UBE2Q1: variants seen among roughly 807,000 people sequenced by gnomAD.
UBE2Q1 encodes the protein ubiquitin-conjugating enzyme E2 Q1.
A neutral mutation model predicts 60.1 loss-of-function variants in UBE2Q1; 6 were observed. The ratio of observed to expected loss-of-function variants is 0.10; its 90% confidence interval spans 0.05 to 0.20. UBE2Q1 has a LOEUF of 0.20. UBE2Q1 is among the 10% of genes least tolerant of loss of function. The probability of loss-of-function intolerance (pLI) is 1.00; values close to 1 mark genes in which losing one functional copy is unlikely to be tolerated. For synonymous variants in UBE2Q1, 226 were observed against 208.3 expected, an observed-to-expected ratio of 1.09 and a Z score of -0.73; for missense variants, 262 against 525.8, an observed-to-expected ratio of 0.50 and a Z score of 4.91.
chr1:154,550,815 G>T, intron 12 of UBE2Q1, 123 bp downstream of exon 12: 1 of 1,575,188 alleles, frequency 6.3e-7, no homozygotes, highest in Non-Finnish European at 8.6e-7. Flanking sequence ...ACTGGGGCAG[G>T]TGCTGTGTTA....
intron 3 of UBE2Q1, 89 bp from the exon 4 acceptor site, chr1:154,554,874 TG>T: frequency 7.2e-7 from 1 of 1,397,052 alleles, no homozygotes; most frequent in Non-Finnish European, 9.8e-7. Context: ...CCCCCAGGTC[TG>T]GAAGTTGTGC....
Position 154,558,234 on chromosome 1 carries a change from T to C in UBE2Q1, c.320A>G (p.Asn107Ser), listed in dbSNP as rs1443321482. The change falls in exon 1 of 13, where the codon AAC (asparagine) becomes AGC (serine). Residue 107 changes from asparagine (N) to serine (S), a missense_variant. By Grantham distance (46) the Asn-to-Ser change is conservative. Around this residue, in one of 5 missense-constraint regions of UBE2Q1, gnomAD observed 111 missense variants for 266.8 expected, o/e 0.42. Transcript: ENST00000292211. ...VPGDPVRIHC[N>S]ITESYPAVPP... ...ACGCGAGGGGGTCCTCACCGTGATGTTGCAGTGGATGCGGACAGGATCCCC... is the reference window on the plus strand; with the variant it reads ...ACGCGAGGGGGTCCTCACCGTGATGCTGCAGTGGATGCGGACAGGATCCCC... 13 of 1,545,970 alleles carry C rather than the reference T, an allele frequency of 8.4e-6. No individual in the cohort carries two copies. Among genetic ancestry groups the C allele is most frequent in the African/African-American group, 1.4e-5 (1 of 70,290 alleles).
Position 154,554,398 on chromosome 1 carries a change from C to A in UBE2Q1, c.588+337G>T, listed in dbSNP as rs554421567. ...AACCATATGCAGTAGGTATTATAAT[C>A]CTACTTTATAGATAAGAAAACTGTA... On this transcript the variant is annotated intron_variant, in intron 4 of 12. Transcript: ENST00000292211. Among the ~76,000 whole-genome samples the A allele has an allele frequency of 2.6e-5, 4 of 152,288 alleles. No individual in the cohort carries two copies. In the East Asian group the frequency reaches 7.7e-4, roughly 29 times the overall value.
chr1:154,553,867 GA>G (rs1221518460), intron 4 of UBE2Q1, among the ~76,000 whole-genome samples: 2 of 152,234 alleles, frequency 1.3e-5, no homozygotes, highest in African/African-American at 4.8e-5. Context: ...GTGTGGCCCA[GA>G]GGGCTGTCCA....
intron 9 of UBE2Q1, 49 bp from the exon 10 acceptor site, chr1:154,551,868 C>T: frequency 6.2e-7 from 1 of 1,614,236 alleles, no homozygotes; most frequent in Non-Finnish European, 8.5e-7. Flanking sequence ...CTCCAAGTCT[C>T]TTCCCCGCCC....
intron 3 of UBE2Q1, 75 bp from the exon 4 acceptor site, chr1:154,554,860 T>C: frequency 1.3e-6 from 2 of 1,522,252 alleles, no homozygotes; most frequent in Non-Finnish European, 9.0e-7. Flanking sequence ...CCTACTCCCC[T>C]GAGCCCCCAG....
rs755410020 is a variant in UBE2Q1, at chr1:154,558,457, C to A, written c.97G>T (p.Gly33Trp). The change falls in exon 1 of 13, where the codon GGG (glycine) becomes TGG (tryptophan). Residue 33 changes from glycine (G) to tryptophan (W), a missense_variant. Transcript: ENST00000292211. ...AAPGAGGGPG[G>W]GPGPGPCLRR... Reference sequence around the variant, plus strand: ...AGGCAGGGCCCCGGCCCCGGGCCCCCCCCTGGGCCGCCCCCGGCCCCCGGC... The same window carrying A: ...AGGCAGGGCCCCGGCCCCGGGCCCCACCCTGGGCCGCCCCCGGCCCCCGGC... 1.4e-4 allele frequency: 189 copies of A among 1,387,388 alleles called. 2 individuals carry two copies. Among genetic ancestry groups the A allele is most frequent in the Middle Eastern group, 1.3e-3 (5 of 3,778 alleles). The allele number at this position is 1,387,388 out of a possible 1,614,324, so 85.9% of individuals were successfully genotyped here. A position where few individuals can be genotyped will look rare whatever the true frequency, so the allele number is the denominator to read the frequency against.
Position 154,552,818 on chromosome 1 carries a change from A to C in UBE2Q1, c.732T>G (p.Gly244=), listed in dbSNP as rs1198057852. 2.5e-6 allele frequency: 4 copies of C among 1,614,122 alleles called. No homozygotes were observed. The South Asian group carries it at 4.4e-5, about 18-fold the overall frequency. ...TGGCCTGCACCGAGCCAGACACTGC[A>C]CCCTGTGAGGGACGGATGACAGGAA... ...KKNQRQDYLN[G]AVSGSVQATD... is the part of the protein sequence containing the mutation. The change falls in exon 6 of 13, where the codon GGT becomes GGG. Residue 244 remains glycine (G), a splice_region_variant and synonymous_variant. Transcript: ENST00000292211.
chr1:154,550,830 G>C, intron 12 of UBE2Q1, 108 bp downstream of exon 12: 1 of 1,595,550 alleles, frequency 6.3e-7, no homozygotes, highest in African/African-American at 1.3e-5. Context: ...GTGTTAATGG[G>C]TGGTTGAGTA....
chr1:154,550,423 G>A lies in UBE2Q1; in HGVS notation c.*15C>T. On this transcript the variant is annotated 3_prime_UTR_variant, in exon 13 of 13. Coordinates refer to ENST00000292211, the MANE Select transcript of UBE2Q1 (RefSeq NM_017582.7). ...CAGTGGTGCCTGGGGAGGGAGGAAG[G>A]GTGATACTCCAGGGTTAGCCGTCTT... The A allele has an allele frequency of 6.2e-7, 1 of 1,614,136 alleles. No homozygotes were observed. The highest frequency in any genetic ancestry group is 2.2e-5 in the East Asian group (1 of 44,882).
At chr1:154,558,125 G>A in intron 1 of UBE2Q1, 102 bp downstream of exon 1, 1 of 940,194 alleles carries the variant, frequency 1.1e-6, no homozygotes, top group Non-Finnish European at 1.5e-6. Flanking sequence ...CCCTGAGAGG[G>A]GCTTCGGCCT....
rs576231322 is a variant in UBE2Q1 at position 154,550,545 on chromosome 1, G to A, written c.1238-76C>T. On this transcript the variant is annotated intron_variant, in intron 12 of 12. Coordinates refer to ENST00000292211, the MANE Select transcript of UBE2Q1 (RefSeq NM_017582.7). ...CTGTCCTGCCCCAATCCCTGAAGAC[G>A]TCTCCAGTGGCAGAGATAAGAGGAT... is the stretch of plus-strand genomic sequence containing the variant. 241 of 1,603,776 alleles carry A rather than the reference G, an allele frequency of 1.5e-4. No homozygotes were observed. The East Asian group carries it at 4.7e-3, about 31-fold the overall frequency.
In UBE2Q1 at chr1:154,548,855, T is replaced by C. The variant is rs539798117; in HGVS notation, c.*1583A>G. 6.5e-6 allele frequency: 1 copy of C among 152,736 alleles called. No homozygotes were observed. The highest frequency in any genetic ancestry group is 6.5e-5 in the Admixed American group (1 of 15,296). The allele number at this position is 152,736 out of a possible 1,614,324, so 9.5% of individuals were successfully genotyped here. ...GGGTGTGGGTAGAGTTAGAGCAGCATTGAGTGGGACTGGTGGACTCTCCAT... is the reference window on the plus strand; with the variant it reads ...GGGTGTGGGTAGAGTTAGAGCAGCACTGAGTGGGACTGGTGGACTCTCCAT... On this transcript the variant is annotated 3_prime_UTR_variant, in exon 13 of 13. Transcript: ENST00000292211.
chr1:154,552,368 C>T (rs776931058), intron 7 of UBE2Q1, 36 bp downstream of exon 7: 18 of 1,612,998 alleles, frequency 1.1e-5, no homozygotes, highest in Non-Finnish European at 1.7e-6. Context: ...CACACTCCTC[C>T]TCAACTTCCT....
rs1163147261 is a variant in UBE2Q1 at position 154,549,303 on chromosome 1, T to C, written c.*1135A>G. On this transcript the variant is annotated 3_prime_UTR_variant, in exon 13 of 13. Coordinates refer to ENST00000292211, the MANE Select transcript of UBE2Q1 (RefSeq NM_017582.7). ...TGAGCCTGGGGTAAGGACACAGGTG[T>C]ATAGAACAACCCCCCTTAAAATGCT... 6.6e-6 allele frequency: 1 copy of C among 152,238 alleles called. No individual in the cohort carries two copies. The highest frequency in any genetic ancestry group is 6.5e-5 in the Admixed American group (1 of 15,286). 9.4% of individuals were successfully genotyped at this position (152,238 alleles called of 1,614,324 possible).
At position 154,552,462 on chromosome 1, in the gene UBE2Q1, T is replaced by C; in HGVS notation, c.817A>G (p.Asn273Asp). The change falls in exon 7 of 13, where the codon AAC becomes GAC. Residue 273 changes from asparagine to aspartate, a missense_variant and splice_region_variant. Physicochemically the swap from Asn to Asp is conservative, Grantham distance 23 (BLOSUM62 1). Coordinates refer to ENST00000292211, the MANE Select transcript of UBE2Q1 (RefSeq NM_017582.7). Reference sequence around the variant, plus strand: ...TCATTCACGAGTTCGACTGCATAGTTTCCTGGAAGGAGGGAAAAAACAGGT... The same window carrying C: ...TCATTCACGAGTTCGACTGCATAGTCTCCTGGAAGGAGGGAAAAAACAGGT... Reference protein sequence around the residue: ...IYRSQSFKGGNYAVELVNDSL... With the variant: ...IYRSQSFKGGDYAVELVNDSL... 1 of 1,614,232 alleles carries C rather than the reference T, an allele frequency of 6.2e-7. No individual in the cohort carries two copies. Among genetic ancestry groups the C allele is most frequent in the Non-Finnish European group, 8.5e-7 (1 of 1,180,040 alleles).
rs11542156 is a variant in UBE2Q1, at chr1:154,550,325, G to A, written c.*113C>T. 4 of 1,400,730 alleles carry A rather than the reference G, an allele frequency of 2.9e-6. No homozygotes were observed. Among genetic ancestry groups the A allele is most frequent in the South Asian group, 1.2e-5 (1 of 81,406 alleles). 86.8% of individuals were successfully genotyped at this position (1,400,730 alleles called of 1,614,324 possible). On this transcript the variant is annotated 3_prime_UTR_variant, in exon 13 of 13. Coordinates refer to ENST00000292211, the MANE Select transcript of UBE2Q1 (RefSeq NM_017582.7). ...GTCCTGCAATAGGCAGAGCTATCAC[G>A]TCCAGGAAAAATGAGGGAGGGAACC...
chr1:154,558,618 CCG>C lies in UBE2Q1; in HGVS notation c.-67_-66del. ...CCTCCGGCCTGCGCTCCGGGCTCCG[CCG>C]CCGCCGCCGCCGCCGCCGCCGCCGC... On this transcript the variant is annotated 5_prime_UTR_variant, in exon 1 of 13. Transcript: ENST00000292211. The C allele has an allele frequency of 2.0e-6, 1 of 509,638 alleles. No individual in the cohort carries two copies. Among genetic ancestry groups the C allele is most frequent in the Non-Finnish European group, 2.2e-6 (1 of 461,184 alleles). The allele number at this position is 509,638 out of a possible 1,614,324, so 31.6% of individuals were successfully genotyped here. A position where few individuals can be genotyped will look rare whatever the true frequency, so the allele number is the denominator to read the frequency against.
chr1:154,551,362 C>T (rs1265875249), intron 11 of UBE2Q1, 35 bp downstream of exon 11: 2 of 1,608,080 alleles, frequency 1.2e-6, no homozygotes, highest in Non-Finnish European at 1.7e-6. Flanking sequence ...CTTGGCTCCA[C>T]CCAGCCCCAC....
Sources: allele counts gnomAD v4.1 joint callset (sites outside exome capture counted in the v4.1 genomes callset), GRCh38; gene constraint gnomAD v4.1.1; regional missense constraint gnomAD v4.1.1; transcripts MANE v1.5; gene names NCBI Gene and HGNC (gene_info 2026-07-23, HGNC 2026-07-21).